DOCK5: variants seen among roughly 807,000 people sequenced by gnomAD.
The protein encoded by DOCK5 is dedicator of cytokinesis 5, also known as dedicator of cytokinesis protein 5.
In DOCK5, 142 loss-of-function variants were observed where a neutral mutation model predicts 251.8. That is an observed-to-expected ratio of 0.56 (90% CI 0.49 to 0.65). The LOEUF (loss-of-function observed/expected upper bound fraction) is 0.65. DOCK5 is among the 30% of genes least tolerant of loss of function. The probability of loss-of-function intolerance (pLI) is 0.00; values close to 1 mark genes in which losing one functional copy is unlikely to be tolerated. For missense variants in DOCK5, 2,111 were observed against 2,312.3 expected, an observed-to-expected ratio of 0.91 and a Z score of 1.79; for synonymous variants, 842 against 835.5, an observed-to-expected ratio of 1.01 and a Z score of -0.13.
At chr8:25,353,795 G>A (rs931325800) in intron 27 of DOCK5, among the ~76,000 whole-genome samples, 4 of 151,876 alleles carry the variant, frequency 2.6e-5, no homozygotes, top group Admixed American at 6.6e-5. Context: ...AGGCTGAGGC[G>A]GGCAGATCAC....
chr8:25,232,183 G>A (rs1327701591), intron 1 of DOCK5, among the ~76,000 whole-genome samples: 1 of 151,934 alleles, frequency 6.6e-6, no homozygotes, highest in Admixed American at 6.6e-5. Context: ...TCCTAACTAT[G>A]AGTAATATTT....
Position 25,411,787 on chromosome 8 carries a change from T to C in DOCK5, c.*489T>C, listed in dbSNP as rs1330051229. 4.6e-5 allele frequency: 7 copies of C among 152,734 alleles called. No homozygotes were observed. Among genetic ancestry groups the C allele is most frequent in the Non-Finnish European group, 1.0e-4 (7 of 68,420 alleles). 9.5% of individuals were successfully genotyped at this position (152,734 alleles called of 1,614,324 possible). A position where few individuals can be genotyped will look rare whatever the true frequency, so the allele number is the denominator to read the frequency against. Reference sequence around the variant, plus strand: ...GAAGAGATGGATATCAAGTACACTTTGGTAGCTGAAATAATCATATCTTTC... The same window carrying C: ...GAAGAGATGGATATCAAGTACACTTCGGTAGCTGAAATAATCATATCTTTC... On this transcript the variant is annotated 3_prime_UTR_variant, in exon 52 of 52. Coordinates refer to ENST00000276440, the MANE Select transcript of DOCK5 (RefSeq NM_024940.8).
intron 11 of DOCK5, among the ~76,000 whole-genome samples, chr8:25,307,799 A>C (rs569137162): frequency 6.6e-6 from 1 of 152,194 alleles, no homozygotes; most frequent in Non-Finnish European, 1.5e-5. Flanking sequence ...CAACAGCCGC[A>C]GTGGAGTATT....
intron 20 of DOCK5, 98 bp from the exon 21 acceptor site, chr8:25,333,998 C>G (rs1805741957): frequency 2.4e-6 from 2 of 845,788 alleles, no homozygotes; most frequent in East Asian, 2.4e-5. Context: ...AGAAAAGATC[C>G]AGAGAGGAAA....
At chr8:25,335,156 G>T (rs1456434607) in intron 21 of DOCK5, among the ~76,000 whole-genome samples, 1 of 152,176 alleles carries the variant, frequency 6.6e-6, no homozygotes, top group Non-Finnish European at 1.5e-5. Flanking sequence ...TAGCTGGATT[G>T]GTCCATGATC....
intron 5 of DOCK5, among the ~76,000 whole-genome samples, chr8:25,283,436 A>G (rs940577553): frequency 6.6e-6 from 1 of 152,090 alleles, no homozygotes; most frequent in African/African-American, 2.4e-5. Context: ...TTCCTCTGCA[A>G]AAGTTGATGT....
At chr8:25,230,903 A>G (rs772065180) in intron 1 of DOCK5, among the ~76,000 whole-genome samples, 2 of 152,140 alleles carry the variant, frequency 1.3e-5, no homozygotes, top group Non-Finnish European at 1.5e-5. Context: ...GAGTATGAAG[A>G]AGAACAGTAG....
At chr8:25,231,501 A>G (rs539046284) in intron 1 of DOCK5, among the ~76,000 whole-genome samples, 2 of 152,300 alleles carry the variant, frequency 1.3e-5, no homozygotes, top group Admixed American at 6.5e-5. Context: ...AGAGAAATAC[A>G]ATGGATTCTT....
In DOCK5 at chr8:25,372,545, C is replaced by T. The variant is rs1021354176; in HGVS notation, c.3525-14C>T. ...ATGGAACCTGGGCTTTTGTCTCTCC[C>T]TCCGCCCCTCCAGGCTCCTAGAACA... On this transcript the variant is annotated splice_polypyrimidine_tract_variant and intron_variant, in intron 34 of 51. Coordinates refer to ENST00000276440, the MANE Select transcript of DOCK5 (RefSeq NM_024940.8). The T allele has an allele frequency of 6.4e-7, 1 of 1,561,700 alleles. No homozygotes were observed. The highest frequency in any genetic ancestry group is 8.6e-7 in the Non-Finnish European group (1 of 1,159,242).
intron 1 of DOCK5, among the ~76,000 whole-genome samples, chr8:25,227,371 G>A (rs1563315442): frequency 6.9e-6 from 1 of 145,654 alleles, no homozygotes. Flanking sequence ...GTCTAATTTT[G>A]TTTTTTTTTC....
chr8:25,254,200 T>G (rs1387476785), intron 2 of DOCK5, among the ~76,000 whole-genome samples: 2 of 152,098 alleles, frequency 1.3e-5, no homozygotes, highest in African/African-American at 2.4e-5. Context: ...AAATAATAAT[T>G]TAGACACAGA....
chr8:25,385,895 G>A (rs1801156980), intron 40 of DOCK5, among the ~76,000 whole-genome samples: 1 of 152,006 alleles, frequency 6.6e-6, no homozygotes, highest in Non-Finnish European at 1.5e-5. Flanking sequence ...TGGCATTTTT[G>A]CAAAAACCAG....
At position 25,210,041 on chromosome 8, in the gene DOCK5, T is replaced by TATATATATATATATATATATAAAA. The variant is rs1563309172; in HGVS notation, c.43+25090_43+25091insATATATATATATATATATATAAAA. On this transcript the variant is annotated intron_variant, in intron 1 of 51. Transcript: ENST00000276440. ...ATATATATATATATATATAAATGTGTGTGTGTGTGTGTGTGTGTGTGTGTG... is the reference window on the plus strand; with the variant it reads ...ATATATATATATATATATAAATGTGTATATATATATATATATATATAAAAGTGTGTGTGTGTGTGTGTGTGTGTG... Among the ~76,000 whole-genome samples the TATATATATATATATATATATAAAA allele has an allele frequency of 1.7e-4, 3 of 17,316 alleles. 1 individual carries two copies. Among genetic ancestry groups the TATATATATATATATATATATAAAA allele is most frequent in the African/African-American group, 8.4e-4 (3 of 3,582 alleles). The allele number at this position is 17,316 out of a possible 152,430, so 11.4% of individuals were successfully genotyped here.
Position 25,317,124 on chromosome 8 carries a change from T to C in DOCK5, c.1436T>C (p.Leu479Pro), listed in dbSNP as rs1239450791. The change falls in exon 14 of 52, where the codon CTC becomes CCC. Residue 479 changes from leucine to proline, a missense_variant. Leu to Pro is a moderately conservative substitution (Grantham distance 98). Transcript: ENST00000276440. ...TCTGTGCACGATGAGGAGGGCAAGC[T>C]CTTGGAGGTGCGCGGCATGGCCCAG... Reference protein sequence around the residue: ...TMSVHDEEGKLLEKAIHPGAG... With the variant: ...TMSVHDEEGKPLEKAIHPGAG... The C allele has an allele frequency of 6.2e-7, 1 of 1,613,520 alleles. No individual in the cohort carries two copies. Among genetic ancestry groups the C allele is most frequent in the African/African-American group, 1.3e-5 (1 of 74,996 alleles).
intron 2 of DOCK5, among the ~76,000 whole-genome samples, chr8:25,244,680 A>G (rs1247938170): frequency 6.6e-6 from 1 of 152,232 alleles, no homozygotes; most frequent in East Asian, 1.9e-4. Context: ...GGATGGGATG[A>G]CACAGGATGA....
intron 26 of DOCK5, 59 bp from the exon 27 acceptor site, chr8:25,351,672 C>G: frequency 7.3e-7 from 1 of 1,360,722 alleles, no homozygotes; most frequent in East Asian, 2.4e-5. Context: ...ATCTGAGGTT[C>G]CTTAAAGAAA....
chr8:25,386,330 C>T (rs551519241), intron 40 of DOCK5, among the ~76,000 whole-genome samples: 2 of 152,280 alleles, frequency 1.3e-5, no homozygotes, highest in Admixed American at 1.3e-4. Flanking sequence ...TGCCTGTAAT[C>T]CCAGCACTGG....
intron 5 of DOCK5, among the ~76,000 whole-genome samples, chr8:25,281,553 A>G (rs1319709520): frequency 1.3e-5 from 2 of 148,974 alleles, no homozygotes; most frequent in East Asian, 4.0e-4. Flanking sequence ...CCTTGGTGGG[A>G]GAGTTTCATG....
chr8:25,342,691 G>GTTTTTTTTTTTTTTTTT (rs1201632677), intron 25 of DOCK5, among the ~76,000 whole-genome samples, 184 bp downstream of exon 25: 12 of 72,068 alleles, frequency 1.7e-4, no homozygotes, highest in Admixed American at 4.5e-4. Flanking sequence ...GTTTTTTCTT[G>GTTTTTTTTTTTTTTTTT]TTTTTTTTTT....
Sources: gnomAD v4.1 joint callset for allele counts (sites outside exome capture counted in the v4.1 genomes callset) on GRCh38, gnomAD v4.1.1 for gene constraint, MANE v1.5 for transcripts, NCBI Gene and HGNC (gene_info 2026-07-23, HGNC 2026-07-21) for gene names.